The following ARFGEF3 variants were observed in gnomAD, a reference collection of about 807,000 sequenced individuals.
ARFGEF3 encodes the protein ARFGEF family member 3.
Under a neutral mutation model 221.7 loss-of-function variants are expected in ARFGEF3, and 96 were observed. The ratio of observed to expected loss-of-function variants is 0.43; its 90% CI spans 0.37 to 0.51. ARFGEF3 has a LOEUF of 0.51. Ranked by LOEUF, ARFGEF3 falls within the 20% of genes least tolerant of loss-of-function variation. ARFGEF3 has a pLI of 0.00. For missense variants in ARFGEF3, 2,410 were observed against 2,789.9 expected (o/e 0.86, Z 3.07); for synonymous variants, 1,145 against 1,126.8 (o/e 1.02, Z -0.32).
At chr6:138,281,754 T>G (rs919250774) in intron 14 of ARFGEF3, among the ~76,000 whole-genome samples, 4 of 152,236 alleles carry the variant, frequency 2.6e-5, no homozygotes, top group African/African-American at 9.6e-5. Context: ...GAGAGCAGTA[T>G]GCCATATTGT....
chr6:138,229,344 G>A (rs958746916), intron 4 of ARFGEF3, among the ~76,000 whole-genome samples: 1 of 152,190 alleles, frequency 6.6e-6, no homozygotes, highest in Non-Finnish European at 1.5e-5. Flanking sequence ...TAATCATGGA[G>A]TTCTAGTTTT....
intron 12 of ARFGEF3, among the ~76,000 whole-genome samples, chr6:138,277,099 A>G (rs1001155129): frequency 1.3e-5 from 2 of 152,320 alleles, no homozygotes; most frequent in East Asian, 3.9e-4. Flanking sequence ...TTGTGCAAGC[A>G]TTTCCAGAAC....
At position 138,321,279 on chromosome 6, in the gene ARFGEF3, C is replaced by A. The variant is rs1780022267; in HGVS notation, c.4766+54C>A. 6.9e-6 allele frequency: 7 copies of A among 1,013,948 alleles called. No homozygotes were observed. The South Asian group carries it at 7.7e-5, about 11-fold the overall frequency. 62.8% of individuals were successfully genotyped at this position (1,013,948 alleles called of 1,614,324 possible). A position where few individuals can be genotyped will look rare whatever the true frequency, so the allele number is the denominator to read the frequency against. Reference sequence around the variant, plus strand: ...AAAGCTGGAGTTTTTATTTAAAAATCTAAAGAAATTAAATTGTCTTTGTGG... The same window carrying A: ...AAAGCTGGAGTTTTTATTTAAAAATATAAAGAAATTAAATTGTCTTTGTGG... On this transcript the variant is annotated intron_variant, in intron 29 of 33. Transcript: ENST00000251691.
intron 2 of ARFGEF3, among the ~76,000 whole-genome samples, chr6:138,195,085 C>T (rs1013608085): frequency 3.4e-5 from 5 of 145,444 alleles, no homozygotes; most frequent in Non-Finnish European, 7.4e-5. Flanking sequence ...TTACTGCAAC[C>T]TCTGCCTCCC....
intron 3 of ARFGEF3, among the ~76,000 whole-genome samples, chr6:138,207,343 T>C (rs1284916800): frequency 2.0e-5 from 3 of 152,246 alleles, no homozygotes; most frequent in Admixed American, 6.5e-5. Context: ...GATCAGACAC[T>C]GATTCATGTG....
rs183122804 is a variant in ARFGEF3 at position 138,175,694 on chromosome 6, G to A, written c.137+4981G>A. ...AATATCATAAGACTTGGAGGCTACCGATCAAGAACAATTAGAATATTCTGC... is the reference window on the plus strand; with the variant it reads ...AATATCATAAGACTTGGAGGCTACCAATCAAGAACAATTAGAATATTCTGC... On this transcript the variant is annotated intron_variant, in intron 2 of 33. Coordinates refer to ENST00000251691, the MANE Select transcript of ARFGEF3 (RefSeq NM_020340.5). Among the ~76,000 whole-genome samples, 51 of 152,276 alleles carry A rather than the reference G, an allele frequency of 3.3e-4. 1 individual carries two copies. The South Asian group carries it at 8.1e-3, about 24-fold the overall frequency.
chr6:138,333,827 C>CTTTCATGGAAGACATTTGAGTA, intron 32 of ARFGEF3, 143 bp from the exon 33 acceptor site: 1 of 928,598 alleles, frequency 1.1e-6, no homozygotes, highest in Non-Finnish European at 1.6e-6. Flanking sequence ...AGTATGCCTT[C>CTTTCATGGAAGACATTTGAGTA]TTTCATGGAA....
intron 4 of ARFGEF3, chr6:138,217,729 T>G (rs1488071519): frequency 2.5e-6 from 1 of 398,082 alleles, no homozygotes; most frequent in African/African-American, 2.9e-5. Context: ...ATGTGGTAGT[T>G]TTTAATGGCC....
chr6:138,206,333 A>C (rs1002097241), intron 2 of ARFGEF3, among the ~76,000 whole-genome samples: 1 of 149,566 alleles, frequency 6.7e-6, no homozygotes, highest in Non-Finnish European at 1.5e-5. Context: ...AAAATATCCA[A>C]ATATCTCTCC....
rs907867571 is a variant in ARFGEF3, at chr6:138,338,250, T to C, written c.*1764T>C. On this transcript the variant is annotated 3_prime_UTR_variant, in exon 34 of 34. Transcript: ENST00000251691. The stretch of plus-strand genomic sequence containing the variant: ...TATCAGTGAACTATGTTGTATACTT[T>C]TGAATTTTTACATTTTATAAATGGA... The C allele has an allele frequency of 6.6e-6, 1 of 152,258 alleles. No homozygotes were observed. The highest frequency in any genetic ancestry group is 2.4e-5 in the African/African-American group (1 of 41,466). The allele number at this position is 152,258 out of a possible 1,614,324, so 9.4% of individuals were successfully genotyped here.
chr6:138,198,469 G>A (rs565152867), intron 2 of ARFGEF3, among the ~76,000 whole-genome samples: 1 of 152,312 alleles, frequency 6.6e-6, no homozygotes, highest in South Asian at 2.1e-4. Flanking sequence ...AGTTCCAGTT[G>A]GCTCAATGGA....
At chr6:138,279,746 G>A (rs985503708) in intron 13 of ARFGEF3, among the ~76,000 whole-genome samples, 1 of 152,198 alleles carries the variant, frequency 6.6e-6, no homozygotes, top group Non-Finnish European at 1.5e-5. Flanking sequence ...ACACATCCAA[G>A]AGTAAGAATG....
chr6:138,252,788 A>C lies in ARFGEF3; in HGVS notation c.666-1092A>C, dbSNP rs146105414. Among the ~76,000 whole-genome samples the C allele has an allele frequency of 3.8e-3, 573 of 152,328 alleles. 3 individuals are homozygous for C. The highest frequency in any genetic ancestry group is 0.013 in the African/African-American group (541 of 41,568). On this transcript the variant is annotated intron_variant, in intron 8 of 33. Coordinates refer to ENST00000251691, the MANE Select transcript of ARFGEF3 (RefSeq NM_020340.5). ...CCCACATTACTGAGTGAACTCTCTA[A>C]AAAAGGATTTATTATATATTTGCAA...
At position 138,300,253 on chromosome 6, in the gene ARFGEF3, TTAAGA is replaced by T. The variant is rs369658704; in HGVS notation, c.3828+1473_3828+1477del. Reference sequence around the variant, plus strand: ...CACCTAAAGACTAGATTGTTAACACTTAAGATAAGTTAACACCTAGGTAACACCTA... The same window carrying T: ...CACCTAAAGACTAGATTGTTAACACTTAAGTTAACACCTAGGTAACACCTA... On this transcript the variant is annotated intron_variant, in intron 22 of 33. Transcript: ENST00000251691. 3.8e-3 allele frequency among the ~76,000 whole-genome samples: 575 copies of T among 152,304 alleles called. 4 individuals carry two copies. The highest frequency in any genetic ancestry group is 6.0e-3 in the Non-Finnish European group (410 of 68,028).
intron 9 of ARFGEF3, 35 bp from the exon 10 acceptor site, chr6:138,255,401 T>C (rs1229604300): frequency 6.7e-7 from 1 of 1,483,628 alleles, no homozygotes; most frequent in Admixed American, 1.9e-5. Flanking sequence ...ATTTGGCTCG[T>C]GGGGAAAGTT....
intron 12 of ARFGEF3, among the ~76,000 whole-genome samples, chr6:138,274,042 G>T (rs912411498): frequency 6.6e-6 from 1 of 152,184 alleles, no homozygotes; most frequent in African/African-American, 2.4e-5. Context: ...CACCAGCAGT[G>T]CCTGCCAGGG....
At chr6:138,196,550 C>T (rs1419239394) in intron 2 of ARFGEF3, among the ~76,000 whole-genome samples, 2 of 152,116 alleles carry the variant, frequency 1.3e-5, no homozygotes, top group African/African-American at 4.8e-5. Context: ...TGGGTGAGTC[C>T]GTGAGAGAGC....
chr6:138,297,057 C>A, intron 21 of ARFGEF3, 102 bp downstream of exon 21: 2 of 1,345,408 alleles, frequency 1.5e-6, no homozygotes, highest in Non-Finnish European at 2.0e-6. Flanking sequence ...AGCACTGTGG[C>A]CATTGGGCAG....
intron 2 of ARFGEF3, among the ~76,000 whole-genome samples, chr6:138,204,348 A>G (rs1321217171): frequency 7.5e-6 from 1 of 132,622 alleles, no homozygotes; most frequent in Admixed American, 7.1e-5. Context: ...CCAAAAAAAA[A>G]AAAAAAAAAA....
Sources: gnomAD v4.1 joint callset for allele counts (sites outside exome capture counted in the v4.1 genomes callset) on GRCh38, gnomAD v4.1.1 for gene constraint, MANE v1.5 for transcripts, NCBI Gene and HGNC (gene_info 2026-07-23, HGNC 2026-07-21) for gene names.